The following PDE5A variants were observed in gnomAD, a reference collection of about 807,000 sequenced individuals.
The protein encoded by PDE5A is phosphodiesterase 5A, also known as cGMP-specific 3',5'-cyclic phosphodiesterase.
A neutral mutation model predicts 110.2 loss-of-function variants in PDE5A; 67 were observed. That is an observed-to-expected ratio of 0.61 (90% CI 0.50 to 0.75). PDE5A has a LOEUF of 0.75. PDE5A is among the 30% of genes least tolerant of loss of function. The pLI is 0.00. For missense variants in PDE5A, 862 were observed against 1,045.1 expected (o/e 0.82, Z 2.42); for synonymous variants, 328 against 351.2 (o/e 0.93, Z 0.74).
At chr4:119,612,489 T>C (rs986523287) in intron 1 of PDE5A, among the ~76,000 whole-genome samples, 1 of 152,174 alleles carries the variant, frequency 6.6e-6, no homozygotes, top group African/African-American at 2.4e-5. Context: ...ACTGAAAGCT[T>C]CCTGAGGCCT....
At chr4:119,572,555 A>T (rs1560621759) in intron 3 of PDE5A, among the ~76,000 whole-genome samples, 1 of 152,264 alleles carries the variant, frequency 6.6e-6, no homozygotes, top group Non-Finnish European at 1.5e-5. Flanking sequence ...GGAAGAGAGA[A>T]GAAAGAAAAG....
Position 119,592,456 on chromosome 4 carries a change from T to TAAAAAAAAAAAAAAA in PDE5A, c.831+4052_831+4066dup, listed in dbSNP as rs55997249. 2.4e-4 allele frequency among the ~76,000 whole-genome samples: 16 copies of TAAAAAAAAAAAAAAA among 66,184 alleles called. 3 individuals carry two copies. Among genetic ancestry groups the TAAAAAAAAAAAAAAA allele is most frequent in the African/African-American group, 7.2e-4 (11 of 15,318 alleles). The allele number at this position is 66,184 out of a possible 152,430, so 43.4% of individuals were successfully genotyped here. ...CTGGGTGACAGAGCGAGACTCTGTT[T>TAAAAAAAAAAAAAAA]AAAAAAAAAAAAAAAAAAAAAAAAA... On this transcript the variant is annotated intron_variant, in intron 3 of 20. Coordinates refer to ENST00000354960, the MANE Select transcript of PDE5A (RefSeq NM_001083.4).
At chr4:119,510,439 G>C (rs754157964) in intron 15 of PDE5A, among the ~76,000 whole-genome samples, 1 of 151,830 alleles carries the variant, frequency 6.6e-6, no homozygotes, top group Non-Finnish European at 1.5e-5. Context: ...ACACACAGCC[G>C]ACAATGTAAA....
In PDE5A at chr4:119,502,573, A is replaced by ACACT. The variant is rs1725390306; in HGVS notation, c.2406+7_2406+8insAGTG. Reference sequence around the variant, plus strand: ...GAATAATTCCTACCAACAAGGTTTCATACTTACAGTGGGTTCTATGTTGAG... The same window carrying ACACT: ...GAATAATTCCTACCAACAAGGTTTCACACTTACTTACAGTGGGTTCTATGTTGAG... On this transcript the variant is annotated splice_region_variant and intron_variant, in intron 19 of 20. Transcript: ENST00000354960. 1 of 1,526,916 alleles carries ACACT rather than the reference A, an allele frequency of 6.5e-7. No individual in the cohort carries two copies. The highest frequency in any genetic ancestry group is 9.0e-7 in the Non-Finnish European group (1 of 1,110,114). The allele number at this position is 1,526,916 out of a possible 1,614,324, so 94.6% of individuals were successfully genotyped here.
Position 119,607,113 on chromosome 4 carries a change from T to A in PDE5A, c.337A>T (p.Ile113Phe). ...GTTCCCTCAGAATCCTTGACAACAATGGGTCTAAGAGGCCGGTCAAATTCA... is the reference window on the plus strand; with the variant it reads ...GTTCCCTCAGAATCCTTGACAACAAAGGGTCTAAGAGGCCGGTCAAATTCA... ...ASEFDRPLRP[I>F]VVKDSEGTVS... is the part of the protein sequence containing the mutation. The change falls in exon 2 of 21, where the codon ATT (isoleucine) becomes TTT (phenylalanine). Residue 113 changes from isoleucine to phenylalanine, a missense_variant. Coordinates refer to ENST00000354960, the MANE Select transcript of PDE5A (RefSeq NM_001083.4). 3 of 1,614,178 alleles carry A rather than the reference T, an allele frequency of 1.9e-6. No individual in the cohort carries two copies. The highest frequency in any genetic ancestry group is 4.5e-5 in the East Asian group (2 of 44,880).
intron 6 of PDE5A, among the ~76,000 whole-genome samples, chr4:119,561,917 T>C (rs1424361999): frequency 1.3e-5 from 2 of 152,208 alleles, no homozygotes; most frequent in African/African-American, 4.8e-5. Context: ...AATTAAGTAC[T>C]GAATACCTTT....
chr4:119,558,834 G>A (rs897121494), intron 7 of PDE5A, among the ~76,000 whole-genome samples: 3 of 147,004 alleles, frequency 2.0e-5, no homozygotes, highest in Non-Finnish European at 4.5e-5. Flanking sequence ...GGAGAATGGC[G>A]TGAACCCGGG....
intron 3 of PDE5A, among the ~76,000 whole-genome samples, chr4:119,569,539 T>C (rs1728070220): frequency 6.6e-6 from 1 of 152,038 alleles, no homozygotes; most frequent in South Asian, 2.1e-4. Flanking sequence ...AAGAGACTAT[T>C]AGACCAGGAA....
At chr4:119,556,628 C>T (rs550849367) in intron 7 of PDE5A, among the ~76,000 whole-genome samples, 2 of 152,200 alleles carry the variant, frequency 1.3e-5, no homozygotes, top group South Asian at 4.2e-4. Context: ...AATGCAAGCA[C>T]CACACGTGTG....
intron 19 of PDE5A, among the ~76,000 whole-genome samples, chr4:119,502,193 T>C (rs542829243): frequency 6.6e-6 from 1 of 152,218 alleles, no homozygotes; most frequent in East Asian, 1.9e-4. Context: ...ATGATGGATG[T>C]TTATCACAGT....
At chr4:119,600,387 T>C (rs1041134051) in intron 2 of PDE5A, among the ~76,000 whole-genome samples, 3 of 152,180 alleles carry the variant, frequency 2.0e-5, no homozygotes, top group Non-Finnish European at 4.4e-5. Context: ...TATATTTATA[T>C]GTTATTTTCC....
chr4:119,542,623 G>C lies in PDE5A; in HGVS notation c.1408C>G (p.Leu470Val), dbSNP rs1332374518. Residue 470 changes from leucine (L) to valine (V), a missense_variant, in exon 10 of 21, where the codon CTT becomes GTT. Coordinates refer to ENST00000354960, the MANE Select transcript of PDE5A (RefSeq NM_001083.4). The part of the protein sequence containing the change: ...KKNKVIGVCQ[L>V]VNKMEENTGK... ...GTATTCTCCTCCATCTTATTAACAAGTTGGCAAACCCCTATAACAATCCGA... is the reference window on the plus strand; with the variant it reads ...GTATTCTCCTCCATCTTATTAACAACTTGGCAAACCCCTATAACAATCCGA... 1 of 1,613,630 alleles carries C rather than the reference G, an allele frequency of 6.2e-7. No individual in the cohort carries two copies. The highest frequency in any genetic ancestry group is 8.5e-7 in the Non-Finnish European group (1 of 1,179,728).
chr4:119,567,145 C>CT lies in PDE5A; in HGVS notation c.832-2dup. On this transcript the variant is annotated splice_acceptor_variant, in intron 3 of 20. Coordinates refer to ENST00000354960, the MANE Select transcript of PDE5A (RefSeq NM_001083.4). LOFTEE classifies it high-confidence loss of function. The stretch of plus-strand genomic sequence containing the variant: ...TGATGGCCTGGGCTACACCAACAAC[C>CT]TGGTATAAGGAGAGAAAAGCGACAA... 1 of 1,610,680 alleles carries CT rather than the reference C, an allele frequency of 6.2e-7. No individual in the cohort carries two copies.
intron 7 of PDE5A, among the ~76,000 whole-genome samples, chr4:119,559,614 A>G (rs1418584120): frequency 6.6e-6 from 1 of 152,198 alleles, no homozygotes; most frequent in Non-Finnish European, 1.5e-5. Context: ...ATATTACAGC[A>G]TCATAAAATT....
intron 15 of PDE5A, among the ~76,000 whole-genome samples, chr4:119,508,800 CT>C (rs2110459904): frequency 6.6e-6 from 1 of 151,948 alleles, no homozygotes; most frequent in Admixed American, 6.6e-5. Context: ...ATTTTTTACT[CT>C]CAAAAGCTGA....
intron 14 of PDE5A, among the ~76,000 whole-genome samples, chr4:119,517,686 T>TTGAG (rs1317181057): frequency 6.6e-6 from 1 of 151,538 alleles, no homozygotes; most frequent in Non-Finnish European, 1.5e-5. Context: ...GAAAAAATAG[T>TTGAG]TGAGTGTTTT....
intron 11 of PDE5A, among the ~76,000 whole-genome samples, chr4:119,531,967 C>T (rs1049711164): frequency 6.6e-6 from 1 of 152,156 alleles, no homozygotes; most frequent in African/African-American, 2.4e-5. Flanking sequence ...AATGTTATCT[C>T]AGTGTCCCTC....
chr4:119,532,545 C>G (rs1018416391), intron 11 of PDE5A, among the ~76,000 whole-genome samples: 1 of 151,744 alleles, frequency 6.6e-6, no homozygotes, highest in Admixed American at 6.6e-5. Context: ...TACTTGTGTC[C>G]CTTTTACACA....
At chr4:119,612,261 C>T (rs1007716102) in intron 1 of PDE5A, among the ~76,000 whole-genome samples, 24 of 152,100 alleles carry the variant, frequency 1.6e-4, no homozygotes, top group Admixed American at 6.5e-5. Context: ...GAAGGTGGGG[C>T]TTAGTGAGAG....
Sources: allele counts gnomAD v4.1 joint callset (sites outside exome capture counted in the v4.1 genomes callset), GRCh38; gene constraint gnomAD v4.1.1; transcripts MANE v1.5; gene names NCBI Gene and HGNC (gene_info 2026-07-23, HGNC 2026-07-21).